The following UBOX5 variants were observed in gnomAD, a reference collection of about 807,000 sequenced individuals.
The protein encoded by UBOX5 is RING finger protein 37.
A neutral mutation model predicts 39.0 loss-of-function variants in UBOX5; 28 were observed. That is an observed-to-expected ratio of 0.72 (90% CI 0.53 to 0.98). UBOX5 has a LOEUF of 0.98. Among genes scored for constraint, UBOX5 ranks in the 50% least tolerant of loss-of-function variants. The probability of loss-of-function intolerance (pLI) is 0.00; values close to 1 mark genes in which losing one functional copy is unlikely to be tolerated. For synonymous variants in UBOX5, 283 were observed against 275.5 expected (o/e 1.03, Z -0.27); for missense variants, 585 against 674.4 (o/e 0.87, Z 1.47).
intron 1 of UBOX5, among the ~76,000 whole-genome samples, chr20:3,131,022 G>T (rs1448741749): frequency 6.6e-6 from 1 of 151,958 alleles, no homozygotes; most frequent in East Asian, 1.9e-4. Context: ...ATAAGGTCAG[G>T]AGTTCAAGAC....
intron 1 of UBOX5, among the ~76,000 whole-genome samples, chr20:3,155,778 G>T (rs1057379933): frequency 6.6e-6 from 1 of 152,174 alleles, no homozygotes; most frequent in Non-Finnish European, 1.5e-5. Context: ...CTTCTTTAAA[G>T]ATGTTCAATA....
chr20:3,139,480 C>T (rs371619525), intron 1 of UBOX5, among the ~76,000 whole-genome samples: 2 of 152,106 alleles, frequency 1.3e-5, no homozygotes, highest in African/African-American at 4.8e-5. Context: ...ACCTCCCCGT[C>T]GTGGGTTCAA....
Position 3,121,771 on chromosome 20 carries a change from C to G in UBOX5, c.868G>C (p.Glu290Gln). The change falls in exon 3 of 5, where the codon GAG becomes CAG. Residue 290 changes from glutamate (E) to glutamine (Q), a missense_variant. By Grantham distance (29) the Glu-to-Gln change is conservative (BLOSUM62 2). Coordinates refer to ENST00000217173, the MANE Select transcript of UBOX5 (RefSeq NM_014948.4). Reference protein sequence around the residue: ...SGKVIDQSTLEKCNRSEATWG... With the variant: ...SGKVIDQSTLQKCNRSEATWG... ...GTGGCTTCACTGCGGTTACACTTCT[C>G]CAGTGTGCTCTGGTCGATGACCTTG... 1 of 1,614,106 alleles carries G rather than the reference C, an allele frequency of 6.2e-7. No homozygotes were observed. The highest frequency in any genetic ancestry group is 1.1e-5 in the South Asian group (1 of 91,080).
chr20:3,129,912 C>T (rs2066416520), intron 1 of UBOX5, among the ~76,000 whole-genome samples: 1 of 152,146 alleles, frequency 6.6e-6, no homozygotes, highest in African/African-American at 2.4e-5. Flanking sequence ...TGTAAGGTAG[C>T]TTAAAATAAT....
intron 1 of UBOX5, among the ~76,000 whole-genome samples, chr20:3,158,472 A>C (rs958532591): frequency 6.6e-6 from 1 of 152,032 alleles, no homozygotes; most frequent in South Asian, 2.1e-4. Context: ...TTATTTATTT[A>C]TTTATTTATT....
chr20:3,154,047 G>A (rs551011720), intron 1 of UBOX5, among the ~76,000 whole-genome samples: 8 of 152,184 alleles, frequency 5.3e-5, no homozygotes, highest in Non-Finnish European at 1.0e-4. Flanking sequence ...CAAAGAGTTC[G>A]CAGGATGCTC....
chr20:3,109,644 G>A lies in UBOX5; in HGVS notation c.*462C>T, dbSNP rs987721641. On this transcript the variant is annotated 3_prime_UTR_variant, in exon 5 of 5. Coordinates refer to ENST00000217173, the MANE Select transcript of UBOX5 (RefSeq NM_014948.4). ...AACCATCGCTTTATTAAGGCTGCGA[G>A]TCGGGGGGCTGAGTCATGCACTCCA... 2 of 185,644 alleles carry A rather than the reference G, an allele frequency of 1.1e-5. No homozygotes were observed. The highest frequency in any genetic ancestry group is 1.2e-5 in the Non-Finnish European group (1 of 86,702). The allele number at this position is 185,644 out of a possible 1,614,324, so 11.5% of individuals were successfully genotyped here.
At chr20:3,154,960 G>A (rs1041848753) in intron 1 of UBOX5, among the ~76,000 whole-genome samples, 10 of 149,918 alleles carry the variant, frequency 6.7e-5, no homozygotes, top group Non-Finnish European at 1.3e-4. Context: ...GGCTGAGGCA[G>A]GAGGATCACT....
chr20:3,123,411 A>C lies in UBOX5; in HGVS notation c.-41-5T>G, dbSNP rs1367377315. The C allele has an allele frequency of 6.4e-7, 1 of 1,566,920 alleles. No individual in the cohort carries two copies. Among genetic ancestry groups the C allele is most frequent in the South Asian group, 1.1e-5 (1 of 88,562 alleles). ...CTTCCAAGCATCAGAAGCAGCCTTA[A>C]ATAAGAAATAAAACTATGTATTAGA... On this transcript the variant is annotated splice_region_variant and splice_polypyrimidine_tract_variant and intron_variant, in intron 1 of 4. Transcript: ENST00000217173.
At chr20:3,127,171 T>C (rs1054189652) in intron 1 of UBOX5, among the ~76,000 whole-genome samples, 1 of 151,750 alleles carries the variant, frequency 6.6e-6, no homozygotes, top group Non-Finnish European at 1.5e-5. Context: ...GGCAGACCTC[T>C]CCAGTGGAAC....
intron 1 of UBOX5, among the ~76,000 whole-genome samples, chr20:3,145,430 GCCTTTTTTTC>G (rs1163359799): frequency 7.1e-6 from 1 of 141,142 alleles, no homozygotes; most frequent in East Asian, 2.0e-4. Context: ...ACCACACTTG[GCCTTTTTTTC>G]CTTTTTTTTT....
intron 1 of UBOX5, among the ~76,000 whole-genome samples, chr20:3,130,061 C>T (rs769980793): frequency 3.3e-5 from 5 of 151,972 alleles, no homozygotes; most frequent in Non-Finnish European, 7.4e-5. Flanking sequence ...GAGATGCCAT[C>T]TCTACAAAAA....
At chr20:3,151,522 C>T (rs1480153286) in intron 1 of UBOX5, among the ~76,000 whole-genome samples, 1 of 151,958 alleles carries the variant, frequency 6.6e-6, no homozygotes, top group African/African-American at 2.4e-5. Context: ...AAAAACTTGG[C>T]CACGCCTATA....
In UBOX5 at chr20:3,109,052, G is replaced by A. The variant is rs557059605; in HGVS notation, c.*1054C>T. On this transcript the variant is annotated 3_prime_UTR_variant, in exon 5 of 5. Transcript: ENST00000217173. ...AATGTGCCGGTTCACAGGGACCCGC[G>A]GCTAAGCTCAAGGGTAAAATACAGC... 65 of 152,102 alleles carry A rather than the reference G, an allele frequency of 4.3e-4. No homozygotes were observed. The highest frequency in any genetic ancestry group is 1.3e-3 in the African/African-American group (55 of 41,500). 9.4% of individuals were successfully genotyped at this position (152,102 alleles called of 1,614,324 possible).
At chr20:3,153,268 G>A (rs1050366679) in intron 1 of UBOX5, among the ~76,000 whole-genome samples, 2 of 152,222 alleles carry the variant, frequency 1.3e-5, no homozygotes, top group African/African-American at 2.4e-5. Context: ...CCAGTGTTTT[G>A]AATTCATGTG....
rs376459012 is a variant in UBOX5 at position 3,121,514 on chromosome 20, A to C, written c.1125T>G (p.Ser375Arg). 12 of 1,613,820 alleles carry C rather than the reference A, an allele frequency of 7.4e-6. No homozygotes were observed. In the African/African-American group the frequency reaches 1.3e-4, roughly 18 times the overall value. Residue 375 changes from serine to arginine, a missense_variant, in exon 3 of 5, where the codon AGT becomes AGG. Coordinates refer to ENST00000217173, the MANE Select transcript of UBOX5 (RefSeq NM_014948.4). ...AACAGGAAGCATTTACACCAAAGTT[A>C]CTGTCTGGGACATGTTCAGCCTGCT... ...KIEQAEHVPD[S>R]NFGVNASCFS...
rs773266818 is a variant in UBOX5 at position 3,149,370 on chromosome 20, C to A, written c.-42+10396G>T. On this transcript the variant is annotated intron_variant, in intron 1 of 4. Coordinates refer to ENST00000217173, the MANE Select transcript of UBOX5 (RefSeq NM_014948.4). This position sits in a 1 kb window ranked among gnomAD's most constrained non-coding sequence, Gnocchi z 4.1. ...ACACTGCTGTCTACTCAAATAAGTT[C>A]AATGCTAGTAAATGCCCAAACCACA... 4 of 359,386 alleles carry A rather than the reference C, an allele frequency of 1.1e-5. No homozygotes were observed. The highest frequency in any genetic ancestry group is 2.0e-5 in the African/African-American group (1 of 48,902). The allele number at this position is 359,386 out of a possible 1,614,324, so 22.3% of individuals were successfully genotyped here.
At chr20:3,157,268 G>A (rs1201253428) in intron 1 of UBOX5, among the ~76,000 whole-genome samples, 1 of 152,174 alleles carries the variant, frequency 6.6e-6, no homozygotes, top group Non-Finnish European at 1.5e-5. Flanking sequence ...GTTTCCACAC[G>A]GGAGCAGGGC....
In UBOX5 at chr20:3,144,543, A is replaced by G. The variant is rs80083235; in HGVS notation, c.-42+15223T>C. 6.2e-3 allele frequency among the ~76,000 whole-genome samples: 951 copies of G among 152,308 alleles called. 10 individuals are homozygous for G. The highest frequency in any genetic ancestry group is 0.022 in the African/African-American group (901 of 41,564). On this transcript the variant is annotated intron_variant, in intron 1 of 4. Coordinates refer to ENST00000217173, the MANE Select transcript of UBOX5 (RefSeq NM_014948.4). ...AACTATGAGAAAAGACATAGGGGTA[A>G]ATCTCCCTGACCTTGGACTTGGCAA...
Sources: allele counts gnomAD v4.1 joint callset (sites outside exome capture counted in the v4.1 genomes callset), GRCh38; gene constraint gnomAD v4.1.1; non-coding constraint Gnocchi (gnomAD v3.1); transcripts MANE v1.5; gene names NCBI Gene and HGNC (gene_info 2026-07-23, HGNC 2026-07-21).